Variants in MYO5A observed in about 807,000 individuals in gnomAD.
MYO5A encodes unconventional myosin-Va.
Under a neutral mutation model 249.7 loss-of-function variants are expected in MYO5A, and 98 were observed. The observed-to-expected ratio is 0.39, with a 90% CI of 0.33 to 0.46. The LOEUF (loss-of-function observed/expected upper bound fraction) is 0.46, where lower values mean the gene tolerates loss of function less well. MYO5A is among the 20% of genes least tolerant of loss of function. The pLI, the probability that MYO5A is intolerant of heterozygous loss-of-function variation, is 0.98. For missense variants in MYO5A, 1,696 were observed against 2,308.8 expected, an observed-to-expected ratio of 0.73 and a Z score of 5.44; for synonymous variants, 778 against 810.6, an observed-to-expected ratio of 0.96 and a Z score of 0.68.
chr15:52,369,190 T>C (rs2141080573), intron 22 of MYO5A, among the ~76,000 whole-genome samples: 1 of 152,302 alleles, frequency 6.6e-6, no homozygotes, highest in Non-Finnish European at 1.5e-5. Flanking sequence ...CACCCTATCC[T>C]AACCGACCTG....
chr15:52,343,078 C>T (rs753985558), intron 31 of MYO5A, 39 bp downstream of exon 31: 1 of 1,549,612 alleles, frequency 6.5e-7, no homozygotes, highest in Non-Finnish European at 8.9e-7. Flanking sequence ...AGAAAAACAA[C>T]AAATTAATAA....
chr15:52,372,431 C>T (rs1005726721), intron 20 of MYO5A, 68 bp from the exon 21 acceptor site: 13 of 1,583,146 alleles, frequency 8.2e-6, no homozygotes, highest in African/African-American at 2.7e-5. Flanking sequence ...CAATCTATGT[C>T]GGGCTGAAAA....
chr15:52,384,149 C>T lies in MYO5A; in HGVS notation c.1914+12G>A. Reference sequence around the variant, plus strand: ...AGGAAGGAGCGTGGCAGCGGCAGCTCCCTGAACTCACCTGATGCCCCACTG... The same window carrying T: ...AGGAAGGAGCGTGGCAGCGGCAGCTTCCTGAACTCACCTGATGCCCCACTG... On this transcript the variant is annotated intron_variant, in intron 15 of 41. Transcript: ENST00000399233. The T allele has an allele frequency of 6.2e-7, 1 of 1,614,012 alleles. No homozygotes were observed. Among genetic ancestry groups the T allele is most frequent in the Non-Finnish European group, 8.5e-7 (1 of 1,179,964 alleles).
At chr15:52,354,094 T>C in intron 25 of MYO5A, 80 bp from the exon 26 acceptor site, 3 of 1,543,918 alleles carry the variant, frequency 1.9e-6, no homozygotes, top group South Asian at 1.1e-5. Flanking sequence ...AACAGCTCAA[T>C]GGAAAAATAG....
In MYO5A at chr15:52,458,256, G is replaced by A. The variant is rs563058744; in HGVS notation, c.28-24971C>T. ...TATTTCAAAACAGCTAGAAGAAGAA[G>A]ATTCCAAATGTTCCTAACACAAAGA... On this transcript the variant is annotated intron_variant, in intron 1 of 41. Coordinates refer to ENST00000399233, the MANE Select transcript of MYO5A (RefSeq NM_001382347.1). Among the ~76,000 whole-genome samples the A allele has an allele frequency of 2.0e-5, 3 of 152,286 alleles. No homozygotes were observed. The South Asian group carries it at 6.2e-4, about 32-fold the overall frequency.
chr15:52,484,050 C>T (rs2076769649), intron 1 of MYO5A, among the ~76,000 whole-genome samples: 1 of 152,098 alleles, frequency 6.6e-6, no homozygotes, highest in Admixed American at 6.6e-5. Flanking sequence ...TGTTAGGGGG[C>T]ACTGGAATTG....
chr15:52,383,000 A>T, intron 16 of MYO5A, 91 bp downstream of exon 16: 1 of 1,154,438 alleles, frequency 8.7e-7, no homozygotes, highest in South Asian at 1.2e-5. Flanking sequence ...TTTTCCTTAT[A>T]AAAATGTAAG....
chr15:52,516,251 G>C, intron 1 of MYO5A, among the ~76,000 whole-genome samples: 1 of 152,172 alleles, frequency 6.6e-6, no homozygotes, highest in South Asian at 2.1e-4. Flanking sequence ...GGGAGGGTTG[G>C]AAGGCAAGGA....
chr15:52,447,866 A>T (rs1009622461), intron 1 of MYO5A, among the ~76,000 whole-genome samples: 1 of 152,262 alleles, frequency 6.6e-6, no homozygotes, highest in Non-Finnish European at 1.5e-5. Flanking sequence ...ATTTCTAAGC[A>T]GCAAAGTGTT....
At chr15:52,404,187 C>T (rs906677111) in intron 9 of MYO5A, among the ~76,000 whole-genome samples, 1 of 149,300 alleles carries the variant, frequency 6.7e-6, no homozygotes, top group African/African-American at 2.5e-5. Context: ...ATCGCCTGAA[C>T]CCAGGAGGCG....
In MYO5A at chr15:52,341,590, C is replaced by G. The variant is rs142029509; in HGVS notation, c.4041-1196G>C. On this transcript the variant is annotated intron_variant, in intron 31 of 41. Coordinates refer to ENST00000399233, the MANE Select transcript of MYO5A (RefSeq NM_001382347.1). Reference sequence around the variant, plus strand: ...AGAAAGAAAAGACATTCTTTTATTCCAGTCCCTTGGTTGCCAACTGCTGGG... The same window carrying G: ...AGAAAGAAAAGACATTCTTTTATTCGAGTCCCTTGGTTGCCAACTGCTGGG... Among the ~76,000 whole-genome samples, 710 of 152,278 alleles carry G rather than the reference C, an allele frequency of 4.7e-3. 7 individuals carry two copies. The highest frequency in any genetic ancestry group is 0.016 in the African/African-American group (685 of 41,566).
intron 16 of MYO5A, among the ~76,000 whole-genome samples, chr15:52,381,782 T>TCTCA (rs11280608): frequency 9.0e-4 from 124 of 137,838 alleles, no homozygotes; most frequent in East Asian, 8.7e-3. Flanking sequence ...TCTCTCTCTC[T>TCTCA]CACACACACA....
chr15:52,371,275 T>C (rs2041099024), intron 21 of MYO5A, among the ~76,000 whole-genome samples: 1 of 152,200 alleles, frequency 6.6e-6, no homozygotes, highest in Admixed American at 6.5e-5. Context: ...CATTTTTATA[T>C]TCTTAATTAC....
chr15:52,404,041 G>A (rs1003677398), intron 9 of MYO5A, among the ~76,000 whole-genome samples: 6 of 151,996 alleles, frequency 3.9e-5, no homozygotes, highest in Non-Finnish European at 4.4e-5. Flanking sequence ...CAAGGTGGGC[G>A]GATCATCTGA....
intron 5 of MYO5A, 24 bp from the exon 6 acceptor site, chr15:52,410,500 G>T: frequency 6.3e-7 from 1 of 1,596,824 alleles, no homozygotes; most frequent in South Asian, 1.1e-5. Context: ...GAGAAAATAA[G>T]ATTTTAGAAG....
chr15:52,486,009 C>T (rs2076812244), intron 1 of MYO5A, among the ~76,000 whole-genome samples: 1 of 152,184 alleles, frequency 6.6e-6, no homozygotes, highest in Admixed American at 6.5e-5. Flanking sequence ...GTTCTGAAAC[C>T]CACATTTCCA....
At chr15:52,393,807 T>C (rs960244577) in intron 11 of MYO5A, among the ~76,000 whole-genome samples, 2 of 152,236 alleles carry the variant, frequency 1.3e-5, no homozygotes, top group Non-Finnish European at 1.5e-5. Context: ...GTTCTTTTGA[T>C]TAATGAGAAG....
At chr15:52,329,965 G>A (rs934399913) in intron 35 of MYO5A, among the ~76,000 whole-genome samples, 1 of 136,300 alleles carries the variant, frequency 7.3e-6, no homozygotes, top group African/African-American at 2.9e-5. Context: ...TCCCGAGGCT[G>A]GCCTTGAGGG....
intron 13 of MYO5A, among the ~76,000 whole-genome samples, chr15:52,388,440 C>T (rs1438952766): frequency 6.6e-6 from 1 of 152,174 alleles, no homozygotes; most frequent in Non-Finnish European, 1.5e-5. Context: ...TTTTCCAAAA[C>T]TCCAGCAACT....
Sources: allele counts gnomAD v4.1 joint callset (sites outside exome capture counted in the v4.1 genomes callset), GRCh38; gene constraint gnomAD v4.1.1; transcripts MANE v1.5; gene names NCBI Gene and HGNC (gene_info 2026-07-23, HGNC 2026-07-21).